The following PRKAG2 variants were observed in gnomAD, a reference collection of about 807,000 sequenced individuals.
PRKAG2 encodes 5'-AMP-activated protein kinase subunit gamma-2.
PRKAG2 carries 26 observed loss-of-function variants against 69.6 expected under a neutral mutation model. The observed-to-expected ratio is 0.37, with a 90% CI of 0.27 to 0.52. PRKAG2 has a LOEUF of 0.52. Ranked by LOEUF, PRKAG2 falls within the 20% of genes least tolerant of loss-of-function variation. PRKAG2 has a pLI of 0.90. For synonymous variants in PRKAG2, 293 were observed against 285.0 expected (o/e 1.03, Z -0.28); for missense variants, 557 against 740.0 (o/e 0.75, Z 2.87).
chr7:151,718,283 G>GC (rs947483443), intron 3 of PRKAG2, among the ~76,000 whole-genome samples: 1 of 151,954 alleles, frequency 6.6e-6, no homozygotes, highest in Non-Finnish European at 1.5e-5. Flanking sequence ...GGTGGAGGGG[G>GC]GGGTAGAGCT....
intron 3 of PRKAG2, among the ~76,000 whole-genome samples, chr7:151,697,870 G>A (rs1437394136): frequency 6.6e-6 from 1 of 152,222 alleles, no homozygotes; most frequent in African/African-American, 2.4e-5. Context: ...GGTGTAACGG[G>A]TCAAGGCGAA....
At chr7:151,875,610 TGTG>T (rs2080374157) in intron 1 of PRKAG2, among the ~76,000 whole-genome samples, 1 of 133,272 alleles carries the variant, frequency 7.5e-6, no homozygotes, top group Non-Finnish European at 1.7e-5. Context: ...TGTGTGTGTG[TGTG>T]TACACAAACA....
chr7:151,634,347 G>C (rs1193807146), intron 4 of PRKAG2, among the ~76,000 whole-genome samples: 1 of 152,128 alleles, frequency 6.6e-6, no homozygotes, highest in Non-Finnish European at 1.5e-5. Flanking sequence ...ATTGGATCGT[G>C]AACTTAAAAC....
At chr7:151,724,533 G>A (rs1047983932) in intron 3 of PRKAG2, among the ~76,000 whole-genome samples, 4 of 152,068 alleles carry the variant, frequency 2.6e-5, no homozygotes, top group South Asian at 2.1e-4. Context: ...GAACTTCTGC[G>A]CGGGCCCTTG....
intron 4 of PRKAG2, among the ~76,000 whole-genome samples, chr7:151,669,932 G>GCA (rs1401720911): frequency 3.6e-4 from 2 of 5,568 alleles, no homozygotes; most frequent in African/African-American, 5.2e-4. Context: ...ACACACCTGT[G>GCA]CACACACTTG....
Position 151,771,518 on chromosome 7 carries a change from A to ACT in PRKAG2, c.466+9633_466+9634insAG, listed in dbSNP as rs2076020221. On this transcript the variant is annotated intron_variant, in intron 3 of 15. Transcript: ENST00000287878. The surrounding 1 kb of genome is among the most constrained non-coding windows in gnomAD (Gnocchi z 4.0). ...GGGAGGAATCATTTTGTATGCATGCAGTACACACAATGCCATCTTTCCTAG... is the reference window on the plus strand; with the variant it reads ...GGGAGGAATCATTTTGTATGCATGCACTGTACACACAATGCCATCTTTCCTAG... 6.6e-6 allele frequency among the ~76,000 whole-genome samples: 1 copy of ACT among 152,210 alleles called. No individual in the cohort carries two copies. Among genetic ancestry groups the ACT allele is most frequent in the African/African-American group, 2.4e-5 (1 of 41,454 alleles).
At chr7:151,581,536 A>G (rs1213250241) in intron 6 of PRKAG2, among the ~76,000 whole-genome samples, 4 of 151,402 alleles carry the variant, frequency 2.6e-5, no homozygotes, top group Non-Finnish European at 4.4e-5. Flanking sequence ...TAAATGACTG[A>G]GCACAGTGGA....
chr7:151,698,164 G>A (rs556633867), intron 3 of PRKAG2, among the ~76,000 whole-genome samples: 4 of 152,098 alleles, frequency 2.6e-5, no homozygotes, highest in African/African-American at 4.8e-5. Context: ...GAGCTCCCTC[G>A]GGAGGAGCGC....
rs1717293798 is a variant in PRKAG2, at chr7:151,788,216, C to T, written c.115-1675G>A. Among the ~76,000 whole-genome samples the T allele has an allele frequency of 6.6e-6, 1 of 152,212 alleles. No individual in the cohort carries two copies. The highest frequency in any genetic ancestry group is 1.5e-5 in the Non-Finnish European group (1 of 68,032). Reference sequence around the variant, plus strand: ...AGCCACCCCATTTTACTTTCCCACCCACAGTACACAGGGTTTCAATTTCTC... The same window carrying T: ...AGCCACCCCATTTTACTTTCCCACCTACAGTACACAGGGTTTCAATTTCTC... On this transcript the variant is annotated intron_variant, in intron 1 of 15. Transcript: ENST00000287878. The surrounding 1 kb of genome is among the most constrained non-coding windows in gnomAD (Gnocchi z 4.6).
At chr7:151,790,253 T>G (rs944471696) in intron 1 of PRKAG2, among the ~76,000 whole-genome samples, 3 of 152,118 alleles carry the variant, frequency 2.0e-5, no homozygotes, top group Admixed American at 1.3e-4. Context: ...CTGCTCCGTG[T>G]CCCCAAATCC....
chr7:151,796,810 T>C (rs1417213208), intron 1 of PRKAG2, among the ~76,000 whole-genome samples: 1 of 151,940 alleles, frequency 6.6e-6, no homozygotes, highest in Non-Finnish European at 1.5e-5. Context: ...GACCTCGGGA[T>C]AAGGGAATGA....
At chr7:151,709,093 AT>A in intron 3 of PRKAG2, among the ~76,000 whole-genome samples, 1 of 151,886 alleles carries the variant, frequency 6.6e-6, no homozygotes, top group East Asian at 1.9e-4. Flanking sequence ...GACACGTGAT[AT>A]TGAGTGATAT....
At chr7:151,739,918 A>C (rs2073753151) in intron 3 of PRKAG2, among the ~76,000 whole-genome samples, 1 of 151,460 alleles carries the variant, frequency 6.6e-6, no homozygotes, top group East Asian at 1.9e-4. Flanking sequence ...CTCCCTCATC[A>C]CTCCCCAAAG....
intron 1 of PRKAG2, among the ~76,000 whole-genome samples, chr7:151,874,258 G>A (rs1053140531): frequency 2.9e-4 from 28 of 97,880 alleles, no homozygotes; most frequent in Middle Eastern, 5.3e-3. Context: ...TGTATATGAT[G>A]TATATGTATA....
chr7:151,794,438 C>A (rs138567444), intron 1 of PRKAG2, among the ~76,000 whole-genome samples: 2 of 152,254 alleles, frequency 1.3e-5, no homozygotes, highest in Non-Finnish European at 2.9e-5. Flanking sequence ...CTTCTTATCA[C>A]GGGCTGGTGG....
In PRKAG2 at chr7:151,572,717, T is replaced by C; in HGVS notation, c.1006-8A>G. 1 of 1,547,230 alleles carries C rather than the reference T, an allele frequency of 6.5e-7. No homozygotes were observed. Among genetic ancestry groups the C allele is most frequent in the East Asian group, 2.3e-5 (1 of 44,270 alleles). On this transcript the variant is annotated splice_region_variant and splice_polypyrimidine_tract_variant and intron_variant, in intron 8 of 15. Transcript: ENST00000287878. ...TAATTCATAAATCTGTACCTGCAAA[T>C]AAAAAAATTCTTATTTATAAATATA...
intron 1 of PRKAG2, among the ~76,000 whole-genome samples, chr7:151,795,893 C>T (rs1471340243): frequency 3.2e-5 from 3 of 93,486 alleles, no homozygotes; most frequent in Non-Finnish European, 6.1e-5. Flanking sequence ...ATATATATCA[C>T]GATAATATGT....
Position 151,632,137 on chromosome 7 carries a change from G to A in PRKAG2, c.686C>T (p.Ala229Val). Residue 229 changes from alanine to valine, a missense_variant and splice_region_variant, in exon 5 of 16, where the codon GCG becomes GTG. Transcript: ENST00000287878. The surrounding 1 kb of genome is among the most constrained non-coding windows in gnomAD (Gnocchi z 4.2). ...GGGTCCCAGGGCCGCCGCCAGCGCC[G>A]CCTGAGGGGGAGGAGGAGGACAGCG... ...SPTHYAPSKA[A>V]ALAAALGPAE... 9 of 1,400,204 alleles carry A rather than the reference G, an allele frequency of 6.4e-6. No individual in the cohort carries two copies. The highest frequency in any genetic ancestry group is 6.6e-6 in the Non-Finnish European group (7 of 1,063,454). The allele number at this position is 1,400,204 out of a possible 1,614,324, so 86.7% of individuals were successfully genotyped here. A position where few individuals can be genotyped will look rare whatever the true frequency, so the allele number is the denominator to read the frequency against.
At chr7:151,580,147 C>T (rs1361832756) in intron 6 of PRKAG2, among the ~76,000 whole-genome samples, 1 of 152,102 alleles carries the variant, frequency 6.6e-6, no homozygotes, top group Non-Finnish European at 1.5e-5. Flanking sequence ...AGTTCAAGAC[C>T]AGCCTGGCCA....
Sources: gnomAD v4.1 joint callset for allele counts (sites outside exome capture counted in the v4.1 genomes callset) on GRCh38, gnomAD v4.1.1 for gene constraint, Gnocchi (gnomAD v3.1) non-coding constraint, MANE v1.5 for transcripts, NCBI Gene and HGNC (gene_info 2026-07-23, HGNC 2026-07-21) for gene names.